The following UNC13C variants were observed in gnomAD, a reference collection of about 807,000 sequenced individuals.
UNC13C encodes the protein protein unc-13 homolog C.
A neutral mutation model predicts 245.4 loss-of-function variants in UNC13C; 174 were observed. The observed-to-expected ratio is 0.71, with a 90% CI of 0.63 to 0.80. The LOEUF is 0.80. Among genes scored for constraint, UNC13C ranks in the 30% least tolerant of loss-of-function variants. The probability of loss-of-function intolerance (pLI) is 0.00; values close to 1 mark genes in which losing one functional copy is unlikely to be tolerated. For missense variants in UNC13C, 2,829 were observed against 2,602.9 expected, an observed-to-expected ratio of 1.09 and a Z score of -1.89; for synonymous variants, 992 against 895.1, an observed-to-expected ratio of 1.11 and a Z score of -1.93.
chr15:53,854,052 A>G, the UNC13C span, among the ~76,000 whole-genome samples: 1 of 151,120 alleles, frequency 6.6e-6, no homozygotes, highest in Admixed American at 6.6e-5. Flanking sequence ...TAGCATTTTC[A>G]TCATGAAATC....
At chr15:53,855,457 T>C in the UNC13C span, among the ~76,000 whole-genome samples, 2 of 152,158 alleles carry the variant, frequency 1.3e-5, no homozygotes, top group African/African-American at 4.8e-5. Flanking sequence ...TCATTATTTT[T>C]AGGTATGTTC....
chr15:53,929,100 G>A, the UNC13C span, among the ~76,000 whole-genome samples: 76 of 152,296 alleles, frequency 5.0e-4, no homozygotes, highest in Middle Eastern at 0.01. Context: ...ACACTGCTGG[G>A]GAGGCCTCAC....
chr15:54,403,792 T>C (rs1423983533), intron 18 of UNC13C, among the ~76,000 whole-genome samples: 1 of 149,188 alleles, frequency 6.7e-6, no homozygotes, highest in Non-Finnish European at 1.5e-5. Flanking sequence ...ATTAAGTATA[T>C]ACTTAAATAT....
intron 2 of UNC13C, among the ~76,000 whole-genome samples, chr15:54,106,380 C>G (rs1446315293): frequency 2.0e-5 from 3 of 152,126 alleles, no homozygotes; most frequent in Admixed American, 2.0e-4. Context: ...TTGAAATTCT[C>G]CAATGACCAC....
rs1178946396 is a variant in UNC13C at position 54,494,605 on chromosome 15, T to G, written c.4934-3T>G. The G allele has an allele frequency of 6.2e-7, 1 of 1,605,696 alleles. No individual in the cohort carries two copies. The highest frequency in any genetic ancestry group is 1.1e-5 in the South Asian group (1 of 89,214). On this transcript the variant is annotated splice_polypyrimidine_tract_variant and splice_region_variant and intron_variant, in intron 19 of 32. Transcript: ENST00000260323. ...ATTAAATATTTAATTTTATCTGTTA[T>G]AGAACATGAAAATCAGCGGTTATGC... is the stretch of plus-strand genomic sequence containing the variant.
chr15:54,479,207 T>G (rs1204010745), intron 19 of UNC13C, among the ~76,000 whole-genome samples: 2 of 151,478 alleles, frequency 1.3e-5, no homozygotes, highest in African/African-American at 4.8e-5. Context: ...TTTATGGGGG[T>G]CTCTCTCTCT....
At chr15:54,168,341 C>T (rs934596982) in intron 4 of UNC13C, among the ~76,000 whole-genome samples, 2 of 152,092 alleles carry the variant, frequency 1.3e-5, no homozygotes, top group African/African-American at 2.4e-5. Context: ...ACAATTTCAT[C>T]GAGTTTCAAC....
At chr15:54,564,796 G>A (rs914075474) in intron 29 of UNC13C, among the ~76,000 whole-genome samples, 16 of 151,940 alleles carry the variant, frequency 1.1e-4, no homozygotes, top group Non-Finnish European at 1.5e-4. Flanking sequence ...ATAAGCGTTG[G>A]GAATTTTTAG....
At chr15:54,471,110 T>A (rs1892439194) in intron 19 of UNC13C, among the ~76,000 whole-genome samples, 2 of 151,600 alleles carry the variant, frequency 1.3e-5, no homozygotes, top group African/African-American at 4.8e-5. Context: ...TTGTTAAGAC[T>A]TTTTGTGGCC....
rs147295090 is a variant in UNC13C at position 54,066,260 on chromosome 15, G to A, written c.2983+50374G>A. ...TAATGCTTTTCCTGTCTTCTAGCAT[G>A]ATGGCCAGCAGCCTAGCACATAATA... On this transcript the variant is annotated intron_variant, in intron 2 of 32. Coordinates refer to ENST00000260323, the MANE Select transcript of UNC13C (RefSeq NM_001080534.3). Among the ~76,000 whole-genome samples, 20 of 152,310 alleles carry A rather than the reference G, an allele frequency of 1.3e-4. No individual in the cohort carries two copies. The South Asian group carries it at 3.7e-3, about 28-fold the overall frequency.
At chr15:54,022,823 G>A (rs994514031) in intron 2 of UNC13C, among the ~76,000 whole-genome samples, 1 of 152,150 alleles carries the variant, frequency 6.6e-6, no homozygotes, top group Non-Finnish European at 1.5e-5. Flanking sequence ...CCTTTGAGGA[G>A]TGAAGTGGCC....
In UNC13C at chr15:54,009,532, TTTC is replaced by T. The variant is rs200168326; in HGVS notation, c.-256-3098_-256-3096del. Among the ~76,000 whole-genome samples, 62 of 149,602 alleles carry T rather than the reference TTTC, an allele frequency of 4.1e-4. 10 individuals are homozygous for T. The highest frequency in any genetic ancestry group is 7.9e-4 in the East Asian group (4 of 5,086). ...CAAGATAAAGCAGTAGGAAAGTAAT[TTTC>T]TTCTTCTTCTTCTTCTTTTTTTTTT... On this transcript the variant is annotated intron_variant, in intron 1 of 32. Transcript: ENST00000260323.
At chr15:54,047,906 G>A (rs1454669501) in intron 2 of UNC13C, among the ~76,000 whole-genome samples, 1 of 151,984 alleles carries the variant, frequency 6.6e-6, no homozygotes, top group African/African-American at 2.4e-5. Context: ...GAAATAATGG[G>A]CAAAAAACTG....
At chr15:54,130,494 G>A (rs12902057) in intron 2 of UNC13C, among the ~76,000 whole-genome samples, 55,680 of 151,456 alleles carry the variant, frequency 0.37, 10,305 homozygotes, top group Admixed American at 0.39. Flanking sequence ...AGGTTTCACC[G>A]TGTTAGCCAG....
chr15:54,118,901 G>A (rs759847543), intron 2 of UNC13C, among the ~76,000 whole-genome samples: 3 of 147,884 alleles, frequency 2.0e-5, no homozygotes, highest in East Asian at 1.9e-4. Context: ...ATGATCTTAC[G>A]GTTTTTTTTT....
At chr15:54,260,601 G>T (rs11630061) in intron 8 of UNC13C, among the ~76,000 whole-genome samples, 1 of 148,042 alleles carries the variant, frequency 6.8e-6, no homozygotes, top group Non-Finnish European at 1.5e-5. Flanking sequence ...ATGTATATAT[G>T]TGTGTATGTA....
At chr15:54,357,946 G>A (rs2039135099) in intron 17 of UNC13C, among the ~76,000 whole-genome samples, 1 of 152,048 alleles carries the variant, frequency 6.6e-6, no homozygotes. Context: ...CCAAAAGCCA[G>A]TGAGACTTGC....
At chr15:54,120,424 A>G (rs2141193045) in intron 2 of UNC13C, among the ~76,000 whole-genome samples, 1 of 152,234 alleles carries the variant, frequency 6.6e-6, no homozygotes, top group South Asian at 2.1e-4. Context: ...GAAGAAAAAG[A>G]AAGATTGCTT....
At chr15:54,301,767 A>G (rs2037589473) in intron 13 of UNC13C, among the ~76,000 whole-genome samples, 1 of 152,100 alleles carries the variant, frequency 6.6e-6, no homozygotes, top group Non-Finnish European at 1.5e-5. Context: ...ATGAGTCTTT[A>G]TAGTAGAATG....
Sources: allele counts gnomAD v4.1 joint callset (sites outside exome capture counted in the v4.1 genomes callset), GRCh38; gene constraint gnomAD v4.1.1; transcripts MANE v1.5; gene names NCBI Gene and HGNC (gene_info 2026-07-23, HGNC 2026-07-21).